Variants in FHIT observed in about 807,000 individuals in gnomAD.
The protein encoded by FHIT is fragile histidine triad diadenosine triphosphatase, also known as bis(5'-adenosyl)-triphosphatase.
In FHIT, 19 loss-of-function variants were observed where a neutral mutation model predicts 17.9. That is an observed-to-expected ratio of 1.06 (90% CI 0.74 to 1.56). The LOEUF (loss-of-function observed/expected upper bound fraction) is 1.56, where lower values mean the gene tolerates loss of function less well. FHIT is among the 40% of genes most tolerant of loss of function. The pLI, the probability that FHIT is intolerant of heterozygous loss-of-function variation, is 0.00. For missense variants in FHIT, 248 were observed against 189.2 expected, an observed-to-expected ratio of 1.31 and a Z score of -1.82; for synonymous variants, 81 against 69.7, an observed-to-expected ratio of 1.16 and a Z score of -0.81.
At chr3:61,019,293 G>C (rs17064316) in intron 3 of FHIT, among the ~76,000 whole-genome samples, 27 of 152,100 alleles carry the variant, frequency 1.8e-4, no homozygotes, top group Non-Finnish European at 4.0e-4. Context: ...TATATTAGTC[G>C]GGTTTAAAAC....
intron 3 of FHIT, among the ~76,000 whole-genome samples, chr3:60,964,117 G>A (rs1432507872): frequency 6.6e-6 from 1 of 152,182 alleles, no homozygotes; most frequent in South Asian, 2.1e-4. Flanking sequence ...GGGTGCTCCT[G>A]TATTGGGTGC....
rs556992135 is a variant in FHIT at position 61,244,783 on chromosome 3, C to T, written c.-213+6518G>A. Reference sequence around the variant, plus strand: ...CATTGTTAGCTCATGTTTTCTTATTCAATCATACTTCTACACAACTATGTA... The same window carrying T: ...CATTGTTAGCTCATGTTTTCTTATTTAATCATACTTCTACACAACTATGTA... On this transcript the variant is annotated intron_variant, in intron 1 of 9. Transcript: ENST00000492590. Among the ~76,000 whole-genome samples the T allele has an allele frequency of 1.1e-4, 16 of 152,278 alleles. No individual in the cohort carries two copies. In the South Asian group the frequency reaches 2.7e-3, roughly 26 times the overall value.
At chr3:59,945,469 T>G (rs1199516314) in intron 7 of FHIT, among the ~76,000 whole-genome samples, 1 of 152,158 alleles carries the variant, frequency 6.6e-6, no homozygotes, top group African/African-American at 2.4e-5. Context: ...TTCTCTAGGT[T>G]GTCTGTTTAC....
At chr3:59,991,936 G>A (rs1357833543) in intron 7 of FHIT, among the ~76,000 whole-genome samples, 1 of 151,976 alleles carries the variant, frequency 6.6e-6, no homozygotes, top group Non-Finnish European at 1.5e-5. Context: ...TTAATTATGT[G>A]ACCCAATAAA....
chr3:60,578,147 C>T (rs141211230), intron 4 of FHIT, among the ~76,000 whole-genome samples: 117 of 152,148 alleles, frequency 7.7e-4, no homozygotes, highest in African/African-American at 2.6e-3. Flanking sequence ...TTTAAAAGTG[C>T]ACACTTTAGT....
intron 8 of FHIT, among the ~76,000 whole-genome samples, chr3:59,876,491 A>G (rs1033902878): frequency 2.0e-5 from 3 of 151,980 alleles, no homozygotes; most frequent in African/African-American, 7.2e-5. Flanking sequence ...GGGAGTTGGG[A>G]TGGGGATGGC....
chr3:61,216,644 G>A (rs982525591), intron 1 of FHIT, among the ~76,000 whole-genome samples: 6 of 152,286 alleles, frequency 3.9e-5, no homozygotes, highest in Admixed American at 2.0e-4. Context: ...CCATTACTGC[G>A]TATATACCCA....
chr3:60,789,291 G>T (rs544200364), intron 4 of FHIT, among the ~76,000 whole-genome samples: 1 of 151,970 alleles, frequency 6.6e-6, no homozygotes, highest in East Asian at 1.9e-4. Context: ...GGCCAAGGCG[G>T]GTAGATCACG....
At chr3:60,366,400 T>C (rs1355343981) in intron 5 of FHIT, among the ~76,000 whole-genome samples, 6 of 152,200 alleles carry the variant, frequency 3.9e-5, no homozygotes, top group South Asian at 2.1e-4. Flanking sequence ...GCTGGGATTA[T>C]AGGCATGAGG....
chr3:61,040,659 C>T (rs1028990769), intron 3 of FHIT, among the ~76,000 whole-genome samples: 1 of 152,154 alleles, frequency 6.6e-6, no homozygotes, highest in African/African-American at 2.4e-5. Context: ...ACACACGGCC[C>T]AAGGGTAGTG....
intron 3 of FHIT, among the ~76,000 whole-genome samples, chr3:60,921,059 C>T (rs995369178): frequency 1.3e-5 from 2 of 152,100 alleles, no homozygotes; most frequent in Non-Finnish European, 2.9e-5. Context: ...ATGCATACAC[C>T]GGAACTGTGC....
Position 61,078,909 on chromosome 3 carries a change from T to C in FHIT, c.-163-36810A>G, listed in dbSNP as rs2035048713. Among the ~76,000 whole-genome samples the C allele has an allele frequency of 3.3e-5, 5 of 152,312 alleles. 1 individual carries two copies. In the South Asian group the frequency reaches 1.0e-3, roughly 32 times the overall value. On this transcript the variant is annotated intron_variant, in intron 2 of 9. Transcript: ENST00000492590. ...TCTATGAATCTGTGTTTTTTAAATA[T>C]AATTTTCATATATGAATACAATTTA...
At chr3:60,790,330 G>A (rs1700731685) in intron 4 of FHIT, among the ~76,000 whole-genome samples, 1 of 152,134 alleles carries the variant, frequency 6.6e-6, no homozygotes, top group African/African-American at 2.4e-5. Context: ...ATTAACCTTT[G>A]CCTATATATT....
intron 8 of FHIT, among the ~76,000 whole-genome samples, chr3:59,763,708 G>A (rs1701645029): frequency 6.6e-6 from 1 of 151,752 alleles, no homozygotes; most frequent in African/African-American, 2.4e-5. Flanking sequence ...GGTCAGAAAA[G>A]ACTGCTCTGA....
At chr3:60,207,357 C>T (rs1016217585) in intron 5 of FHIT, among the ~76,000 whole-genome samples, 2 of 152,098 alleles carry the variant, frequency 1.3e-5, no homozygotes, top group Non-Finnish European at 2.9e-5. Flanking sequence ...AATCAGCCAC[C>T]ACTGACAACC....
chr3:60,220,451 AAATC>A (rs1439603764), intron 5 of FHIT, among the ~76,000 whole-genome samples: 2 of 152,162 alleles, frequency 1.3e-5, no homozygotes, highest in African/African-American at 4.8e-5. Context: ...TAAAAAAAAT[AAATC>A]AACTGACATA....
At chr3:60,421,881 C>G (rs373544802) in intron 5 of FHIT, among the ~76,000 whole-genome samples, 7 of 152,034 alleles carry the variant, frequency 4.6e-5, no homozygotes, top group East Asian at 1.9e-4. Flanking sequence ...ATACTTCCAA[C>G]GGAAGCAGAG....
chr3:60,224,498 C>T (rs1222118199), intron 5 of FHIT, among the ~76,000 whole-genome samples: 8 of 152,160 alleles, frequency 5.3e-5, no homozygotes, highest in Non-Finnish European at 1.2e-4. Context: ...ATGTTCCCCT[C>T]ACAAAGTTTC....
chr3:60,047,072 G>C (rs1559580382), intron 5 of FHIT, among the ~76,000 whole-genome samples: 2 of 152,188 alleles, frequency 1.3e-5, no homozygotes, highest in Non-Finnish European at 2.9e-5. Flanking sequence ...TTCACACAGT[G>C]AATAGTGACA....
Sources: allele counts gnomAD v4.1 joint callset (sites outside exome capture counted in the v4.1 genomes callset), GRCh38; gene constraint gnomAD v4.1.1; transcripts MANE v1.5; gene names NCBI Gene and HGNC (gene_info 2026-07-23, HGNC 2026-07-21).